The following SLC45A4 variants were observed in gnomAD, a reference collection of about 807,000 sequenced individuals.
The protein encoded by SLC45A4 is solute carrier family 45 member 4.
In SLC45A4, 32 loss-of-function variants were observed where a neutral mutation model predicts 63.7. That is an observed-to-expected ratio of 0.50 (90% CI 0.38 to 0.67). The LOEUF is 0.67. Ranked by LOEUF, SLC45A4 falls within the 30% of genes least tolerant of loss-of-function variation. The pLI is 0.00. For missense variants in SLC45A4, 1,027 were observed against 1,157.7 expected (o/e 0.89, Z 1.64); for synonymous variants, 535 against 510.0 (o/e 1.05, Z -0.66).
intron 8 of SLC45A4, chr8:141,211,961 T>C (rs918230518): frequency 3.2e-5 from 41 of 1,279,904 alleles, no homozygotes; most frequent in Non-Finnish European, 3.5e-5. Context: ...TTCAAATGAT[T>C]CTTTTAATTA....
rs575087148 is a variant in SLC45A4, at chr8:141,307,256, C to T, written c.-401+840G>A. Among the ~76,000 whole-genome samples the T allele has an allele frequency of 3.3e-5, 5 of 152,348 alleles. No individual in the cohort carries two copies. In the South Asian group the frequency reaches 1.0e-3, roughly 32 times the overall value. Reference sequence around the variant, plus strand: ...GGGTTAAGCGCAAAGGGGAAAGGGGCAGCGGGTGCTGAGACGCAGAAGGTG... The same window carrying T: ...GGGTTAAGCGCAAAGGGGAAAGGGGTAGCGGGTGCTGAGACGCAGAAGGTG... On this transcript the variant is annotated intron_variant, in intron 1 of 8. Transcript: ENST00000517878.
chr8:141,254,734 C>A lies in SLC45A4; in HGVS notation c.-400-105G>T, dbSNP rs550386735. On this transcript the variant is annotated intron_variant, in intron 1 of 8. Transcript: ENST00000517878. The surrounding 1 kb of genome is among the most constrained non-coding windows in gnomAD (Gnocchi z 4.5). ...GAGCAAGCCGTGTGCCCCGAGGGCCCGACCCAAGATCACACAGCTCTCTGC... is the reference window on the plus strand; with the variant it reads ...GAGCAAGCCGTGTGCCCCGAGGGCCAGACCCAAGATCACACAGCTCTCTGC... 3 of 683,122 alleles carry A rather than the reference C, an allele frequency of 4.4e-6. No individual in the cohort carries two copies. The highest frequency in any genetic ancestry group is 2.3e-4 in the Middle Eastern group (1 of 4,268). The allele number at this position is 683,122 out of a possible 1,614,324, so 42.3% of individuals were successfully genotyped here.
chr8:141,250,834 G>T (rs1569558735), intron 2 of SLC45A4, among the ~76,000 whole-genome samples: 1 of 152,156 alleles, frequency 6.6e-6, no homozygotes, highest in Non-Finnish European at 1.5e-5. Flanking sequence ...ATCTGTATTT[G>T]TCCTCCTAAA....
At chr8:141,287,288 G>A (rs766417874) in intron 1 of SLC45A4, among the ~76,000 whole-genome samples, 13 of 152,138 alleles carry the variant, frequency 8.5e-5, no homozygotes, top group African/African-American at 1.2e-4. Context: ...AGACATAACC[G>A]CAGCTATGAA....
chr8:141,269,689 GTGTGTC>G (rs1219146109), intron 1 of SLC45A4, among the ~76,000 whole-genome samples: 5 of 151,456 alleles, frequency 3.3e-5, no homozygotes, highest in East Asian at 1.9e-4. Flanking sequence ...GCATGTGTAT[GTGTGTC>G]TGTGTCTGTG....
intron 2 of SLC45A4, among the ~76,000 whole-genome samples, chr8:141,237,216 C>T (rs1217158274): frequency 1.3e-5 from 2 of 152,190 alleles, no homozygotes; most frequent in Admixed American, 6.5e-5. Context: ...AAGGCAGAAT[C>T]GCTCAGGTTT....
chr8:141,223,800 C>A (rs1383759488), intron 2 of SLC45A4, among the ~76,000 whole-genome samples: 1 of 152,204 alleles, frequency 6.6e-6, no homozygotes, highest in African/African-American at 2.4e-5. Context: ...ACCGTGCCCC[C>A]AGAGGGCCGT....
intron 1 of SLC45A4, among the ~76,000 whole-genome samples, chr8:141,292,478 G>A (rs1830385654): frequency 6.6e-6 from 1 of 152,382 alleles, no homozygotes; most frequent in East Asian, 1.9e-4. Flanking sequence ...GGCTGGCCAA[G>A]CACACAGGCT....
rs1827075004 is a variant in SLC45A4, at chr8:141,227,395, C to A, written c.242-5630G>T. 1.3e-5 allele frequency among the ~76,000 whole-genome samples: 2 copies of A among 152,190 alleles called. No homozygotes were observed. Among genetic ancestry groups the A allele is most frequent in the Admixed American group, 1.3e-4 (2 of 15,284 alleles). On this transcript the variant is annotated intron_variant, in intron 2 of 8. Coordinates refer to ENST00000517878, the MANE Select transcript of SLC45A4 (RefSeq NM_001286646.2). The surrounding 1 kb of genome is among the most constrained non-coding windows in gnomAD (Gnocchi z 4.4). ...AAAAGATCCGCAATGGGAACAGGAACTTGCATTCTTTCTTTCAATGGACAA... is the reference window on the plus strand; with the variant it reads ...AAAAGATCCGCAATGGGAACAGGAAATTGCATTCTTTCTTTCAATGGACAA...
At chr8:141,253,962 C>T (rs1169499385) in intron 2 of SLC45A4, 27 bp downstream of exon 2, 1 of 1,535,172 alleles carries the variant, frequency 6.5e-7, no homozygotes, top group Non-Finnish European at 8.7e-7. Flanking sequence ...TCAGCGTTCA[C>T]TGCGCACAGA....
rs780088385 is a variant in SLC45A4 at position 141,218,111 on chromosome 8, C to T, written c.1529G>A (p.Arg510Gln). Residue 510 changes from arginine to glutamine, a missense_variant, in exon 5 of 9, where the codon CGG becomes CAG. Physicochemically the swap from Arg to Gln is conservative, Grantham distance 43 (BLOSUM62 1). Coordinates refer to ENST00000517878, the MANE Select transcript of SLC45A4 (RefSeq NM_001286646.2). ...SMLKMPRELM[R>Q]LCLCHLLTWF... is the part of the protein sequence containing the mutation. ...GGTGAGGAGGTGGCAGAGGCACAGC[C>T]GCATCAGCTCCCTGGGCATCTTCAG... is the stretch of plus-strand genomic sequence containing the variant. The T allele has an allele frequency of 2.4e-5, 38 of 1,612,388 alleles. No homozygotes were observed. In the East Asian group the frequency reaches 5.1e-4, roughly 22 times the overall value.
At chr8:141,228,101 G>C (rs1328846318) in intron 2 of SLC45A4, 1 of 1,580,422 alleles carries the variant, frequency 6.3e-7, no homozygotes, top group Non-Finnish European at 8.7e-7. Context: ...TTGGGTGCCC[G>C]AGAGGCTGTG....
At position 141,215,914 on chromosome 8, in the gene SLC45A4, G is replaced by A. The variant is rs764182165; in HGVS notation, c.1786C>T (p.Leu596=). ...YDLSVRVIYV[L]GTLGFSVGTA... ...CCGACAGAGAAGCCCAGCGTCCCCA[G>A]CACGTAGATCACCCTGACGCTCAGG... The change falls in exon 7 of 9, where the codon CTG becomes TTG. Residue 596 remains leucine, a synonymous_variant. Transcript: ENST00000517878. The surrounding 1 kb of genome is among the most constrained non-coding windows in gnomAD (Gnocchi z 4.3). 1 of 1,614,130 alleles carries A rather than the reference G, an allele frequency of 6.2e-7. No homozygotes were observed.
At chr8:141,265,446 C>T (rs923822029) in intron 1 of SLC45A4, among the ~76,000 whole-genome samples, 2 of 152,232 alleles carry the variant, frequency 1.3e-5, no homozygotes, top group African/African-American at 4.8e-5. Context: ...CGGGGGCAAT[C>T]AGATACCATA....
chr8:141,234,491 TTAC>T (rs1827520449), intron 2 of SLC45A4, among the ~76,000 whole-genome samples: 1 of 152,214 alleles, frequency 6.6e-6, no homozygotes, highest in Admixed American at 6.5e-5. Context: ...CCCTTTCCTG[TTAC>T]TACATTTAGC....
chr8:141,217,325 GC>G, intron 5 of SLC45A4, 136 bp from the exon 6 acceptor site: 1 of 859,324 alleles, frequency 1.2e-6, no homozygotes. Context: ...CAGGAGGAGA[GC>G]CCAGCCCAAG....
At chr8:141,217,581 G>T (rs1039162988) in intron 5 of SLC45A4, among the ~76,000 whole-genome samples, 22 of 152,222 alleles carry the variant, frequency 1.4e-4, no homozygotes, top group Non-Finnish European at 2.9e-4. Context: ...GCCCGAGCGT[G>T]TGCTGAGGGC....
At chr8:141,243,437 G>A (rs1388481048) in intron 2 of SLC45A4, among the ~76,000 whole-genome samples, 4 of 152,188 alleles carry the variant, frequency 2.6e-5, no homozygotes, top group Non-Finnish European at 5.9e-5. Flanking sequence ...AAAACCACTT[G>A]CCATCAACCA....
intron 2 of SLC45A4, among the ~76,000 whole-genome samples, chr8:141,246,314 C>T (rs534438170): frequency 1.9e-4 from 29 of 152,292 alleles, no homozygotes; most frequent in East Asian, 7.7e-4. Flanking sequence ...GCAACAGTGA[C>T]GGCCACATAC....
Sources: gnomAD v4.1 joint callset for allele counts (sites outside exome capture counted in the v4.1 genomes callset) on GRCh38, gnomAD v4.1.1 for gene constraint, Gnocchi (gnomAD v3.1) non-coding constraint, MANE v1.5 for transcripts, NCBI Gene and HGNC (gene_info 2026-07-23, HGNC 2026-07-21) for gene names.